CNTNAP2: variants seen among roughly 807,000 people sequenced by gnomAD.
CNTNAP2 encodes contactin-associated protein-like 2.
A neutral mutation model predicts 155.2 loss-of-function variants in CNTNAP2; 98 were observed. The ratio of observed to expected loss-of-function variants is 0.63; its 90% CI spans 0.54 to 0.75. The LOEUF (loss-of-function observed/expected upper bound fraction) is 0.75, where lower values mean the gene tolerates loss of function less well. CNTNAP2 is among the 30% of genes least tolerant of loss of function. The pLI is 0.00. For synonymous variants in CNTNAP2, 651 were observed against 631.2 expected, an observed-to-expected ratio of 1.03 and a Z score of -0.47; for missense variants, 1,727 against 1,688.1, an observed-to-expected ratio of 1.02 and a Z score of -0.40.
intron 13 of CNTNAP2, among the ~76,000 whole-genome samples, chr7:147,762,211 A>G (rs1274760944): frequency 6.6e-6 from 1 of 151,336 alleles, no homozygotes; most frequent in Non-Finnish European, 1.5e-5. Flanking sequence ...CAGAAACAAC[A>G]TAAGAAAAGT....
At chr7:147,441,995 C>T (rs1797649443) in intron 10 of CNTNAP2, among the ~76,000 whole-genome samples, 1 of 151,938 alleles carries the variant, frequency 6.6e-6, no homozygotes, top group South Asian at 2.1e-4. Context: ...TACGCAGCAT[C>T]TGTTGTAATC....
At chr7:146,978,715 T>A (rs1239139289) in intron 3 of CNTNAP2, among the ~76,000 whole-genome samples, 1 of 151,152 alleles carries the variant, frequency 6.6e-6, no homozygotes, top group Non-Finnish European at 1.5e-5. Context: ...ATATATAATA[T>A]ATATATTTAA....
chr7:148,220,143 C>T (rs1397924307), intron 19 of CNTNAP2, among the ~76,000 whole-genome samples: 1 of 152,224 alleles, frequency 6.6e-6, no homozygotes, highest in Non-Finnish European at 1.5e-5. Flanking sequence ...CGCTCTGTCG[C>T]CCAGGCCGGA....
intron 8 of CNTNAP2, among the ~76,000 whole-genome samples, chr7:147,257,306 T>C (rs1287514241): frequency 2.6e-5 from 4 of 152,284 alleles, no homozygotes; most frequent in Non-Finnish European, 4.4e-5. Context: ...CAGAAGTCTG[T>C]TGAACAGGAA....
chr7:147,745,596 A>T (rs924368004), intron 13 of CNTNAP2, among the ~76,000 whole-genome samples: 4 of 152,190 alleles, frequency 2.6e-5, no homozygotes, highest in African/African-American at 9.6e-5. Context: ...CTGTAATGCG[A>T]TTTTCATTCA....
intron 13 of CNTNAP2, among the ~76,000 whole-genome samples, chr7:147,662,252 A>G (rs1484013991): frequency 6.6e-6 from 1 of 152,090 alleles, no homozygotes; most frequent in African/African-American, 2.4e-5. Flanking sequence ...TTTACAAACC[A>G]TGTTTCAGGT....
chr7:147,410,781 T>C (rs1344228713), intron 10 of CNTNAP2, among the ~76,000 whole-genome samples: 1 of 152,236 alleles, frequency 6.6e-6, no homozygotes, highest in Non-Finnish European at 1.5e-5. Context: ...ATCATTTTTG[T>C]ATTCATTTTA....
intron 11 of CNTNAP2, among the ~76,000 whole-genome samples, chr7:147,559,840 G>A (rs1273333656): frequency 5.3e-5 from 8 of 149,556 alleles, no homozygotes; most frequent in Non-Finnish European, 1.2e-4. Flanking sequence ...CCTACATCCA[G>A]TTGGATTCTA....
At chr7:148,012,548 T>C (rs1000452843) in intron 15 of CNTNAP2, among the ~76,000 whole-genome samples, 2 of 152,228 alleles carry the variant, frequency 1.3e-5, no homozygotes, top group African/African-American at 4.8e-5. Flanking sequence ...AGAGGGTAGA[T>C]CTCATGTTAA....
chr7:146,352,791 G>T lies in CNTNAP2; in HGVS notation c.97+235818G>T, dbSNP rs1367157513. On this transcript the variant is annotated intron_variant, in intron 1 of 23. Coordinates refer to ENST00000361727, the MANE Select transcript of CNTNAP2 (RefSeq NM_014141.6). Reference sequence around the variant, plus strand: ...TTTTTTCGAGACAGAGTCTCTCTCTGTCGCCCAGGCTGGAGTTCAGTGGTG... The same window carrying T: ...TTTTTTCGAGACAGAGTCTCTCTCTTTCGCCCAGGCTGGAGTTCAGTGGTG... Among the ~76,000 whole-genome samples, 7 of 102,216 alleles carry T rather than the reference G, an allele frequency of 6.8e-5. No homozygotes were observed. In the East Asian group the frequency reaches 1.5e-3, roughly 22 times the overall value. The allele number at this position is 102,216 out of a possible 152,430, so 67.1% of individuals were successfully genotyped here. A position where few individuals can be genotyped will look rare whatever the true frequency, so the allele number is the denominator to read the frequency against.
chr7:146,374,640 T>C (rs1204530445), intron 1 of CNTNAP2, among the ~76,000 whole-genome samples: 1 of 152,186 alleles, frequency 6.6e-6, no homozygotes, highest in Non-Finnish European at 1.5e-5. Context: ...GGGCTGCTCA[T>C]CAGAGTCAGA....
intron 12 of CNTNAP2, among the ~76,000 whole-genome samples, chr7:147,621,894 A>G (rs946829965): frequency 1.3e-5 from 2 of 152,008 alleles, no homozygotes; most frequent in African/African-American, 4.8e-5. Flanking sequence ...AACACACTTC[A>G]CCTATAAAGA....
chr7:148,082,540 G>A (rs1322902164), intron 15 of CNTNAP2, among the ~76,000 whole-genome samples: 1 of 152,116 alleles, frequency 6.6e-6, no homozygotes, highest in Non-Finnish European at 1.5e-5. Flanking sequence ...AAGCTGATGT[G>A]GAAGAGAACC....
chr7:146,460,288 G>A (rs1233168121), intron 1 of CNTNAP2, among the ~76,000 whole-genome samples: 2 of 152,144 alleles, frequency 1.3e-5, no homozygotes, highest in Non-Finnish European at 2.9e-5. Context: ...GTGTTAACAA[G>A]CATGTGGAGA....
chr7:146,534,709 C>A (rs1340211020), intron 1 of CNTNAP2, among the ~76,000 whole-genome samples: 2 of 151,898 alleles, frequency 1.3e-5, no homozygotes, highest in East Asian at 3.9e-4. Flanking sequence ...CTACTCTTAA[C>A]TTCCTACAAT....
chr7:147,783,858 G>C (rs1214642054), intron 13 of CNTNAP2, among the ~76,000 whole-genome samples: 1 of 152,166 alleles, frequency 6.6e-6, no homozygotes, highest in East Asian at 1.9e-4. Flanking sequence ...TTTACTAGCA[G>C]CTGTAACTTC....
chr7:147,544,675 A>G (rs1363486925), intron 11 of CNTNAP2, among the ~76,000 whole-genome samples: 3 of 151,892 alleles, frequency 2.0e-5, no homozygotes, highest in Non-Finnish European at 2.9e-5. Context: ...GCCCACCCAA[A>G]TCTCATCTTG....
chr7:146,201,316 AG>A (rs1238957084), intron 1 of CNTNAP2, among the ~76,000 whole-genome samples: 1 of 151,996 alleles, frequency 6.6e-6, no homozygotes, highest in Non-Finnish European at 1.5e-5. Context: ...TGCACTTAAT[AG>A]GAACTTTGAG....
intron 13 of CNTNAP2, among the ~76,000 whole-genome samples, chr7:147,739,098 A>T (rs10215118): frequency 1.0e-5 from 1 of 96,462 alleles, no homozygotes; most frequent in East Asian, 3.4e-4. Flanking sequence ...TTTGCATTCA[A>T]TTACAGCTAT....
Sources: allele counts gnomAD v4.1 joint callset (sites outside exome capture counted in the v4.1 genomes callset), GRCh38; gene constraint gnomAD v4.1.1; transcripts MANE v1.5; gene names NCBI Gene and HGNC (gene_info 2026-07-23, HGNC 2026-07-21).